Variants in XIRP2 observed in about 807,000 individuals in gnomAD.
XIRP2 encodes xin actin-binding repeat-containing protein 2.
A neutral mutation model predicts 277.0 loss-of-function variants in XIRP2; 236 were observed. That is an observed-to-expected ratio of 0.85 (90% CI 0.77 to 0.95). The LOEUF is 0.95. XIRP2 is among the 40% of genes least tolerant of loss of function. The probability of loss-of-function intolerance (pLI) is 0.00; values close to 1 mark genes in which losing one functional copy is unlikely to be tolerated. For missense variants in XIRP2, 4,640 were observed against 4,157.5 expected, an observed-to-expected ratio of 1.12 and a Z score of -3.19; for synonymous variants, 1,490 against 1,416.5, an observed-to-expected ratio of 1.05 and a Z score of -1.17.
intron 2 of XIRP2, among the ~76,000 whole-genome samples, chr2:167,095,901 T>C (rs557514627): frequency 8.3e-6 from 1 of 120,544 alleles, no homozygotes; most frequent in Non-Finnish European, 1.6e-5. Flanking sequence ...TGAGAAGGAG[T>C]CTCGCTCTGT....
chr2:167,037,518 GGTGTGTGTGTGTGTGTGT>G (rs59857626), intron 2 of XIRP2, among the ~76,000 whole-genome samples: 1 of 126,382 alleles, frequency 7.9e-6, no homozygotes, highest in African/African-American at 3.3e-5. Flanking sequence ...TCATGTGGGG[GGTGTGTGTGTGTGTGTGT>G]GTGTGTGTGT....
chr2:167,050,507 G>C (rs766575284), intron 2 of XIRP2, among the ~76,000 whole-genome samples: 17 of 151,958 alleles, frequency 1.1e-4, no homozygotes, highest in Non-Finnish European at 2.1e-4. Flanking sequence ...TGGGAAATCA[G>C]GGCTATTTTG....
chr2:167,082,710 T>C (rs1689775386), intron 2 of XIRP2, among the ~76,000 whole-genome samples: 1 of 152,240 alleles, frequency 6.6e-6, no homozygotes, highest in Non-Finnish European at 1.5e-5. Flanking sequence ...TGAGCATTTT[T>C]TCATGTGTTT....
intron 2 of XIRP2, among the ~76,000 whole-genome samples, chr2:166,904,843 G>C (rs572625333): frequency 6.6e-6 from 1 of 152,078 alleles, no homozygotes; most frequent in East Asian, 1.9e-4. Context: ...GTACACAGTC[G>C]TATTCTTGTT....
At chr2:167,012,527 G>C (rs1039424733) in intron 2 of XIRP2, among the ~76,000 whole-genome samples, 5 of 151,586 alleles carry the variant, frequency 3.3e-5, no homozygotes, top group African/African-American at 1.2e-4. Flanking sequence ...ATTACACTAT[G>C]TGGTACACAT....
intron 3 of XIRP2, among the ~76,000 whole-genome samples, chr2:167,174,676 T>C (rs959218032): frequency 6.6e-6 from 1 of 152,186 alleles, no homozygotes; most frequent in African/African-American, 2.4e-5. Flanking sequence ...TGTTTGCTCT[T>C]GCTTCTCTAG....
chr2:167,243,224 G>A lies in XIRP2; in HGVS notation c.1832G>A (p.Gly611Asp). ...ATTGCTGATCAAGAAATCATTGCTGGTGGTGATGTGAAATATACCACATGG... is the reference window on the plus strand; with the variant it reads ...ATTGCTGATCAAGAAATCATTGCTGATGGTGATGTGAAATATACCACATGG... ...RGIADQEIIA[G>D]GDVKYTTWMF... The change falls in exon 9 of 11, where the codon GGT becomes GAT. Residue 611 changes from glycine to aspartate, a missense_variant. Coordinates refer to ENST00000409195, the MANE Select transcript of XIRP2 (RefSeq NM_152381.6). The A allele has an allele frequency of 6.2e-7, 1 of 1,614,090 alleles. No homozygotes were observed. Among genetic ancestry groups the A allele is most frequent in the Non-Finnish European group, 8.5e-7 (1 of 1,180,000 alleles).
chr2:167,101,444 A>C (rs751290756), intron 2 of XIRP2, among the ~76,000 whole-genome samples: 2 of 152,138 alleles, frequency 1.3e-5, no homozygotes, highest in African/African-American at 2.4e-5. Context: ...ACTGTACCCA[A>C]TTTGTAGCCT....
At chr2:167,197,288 TACACTTCAA>T (rs1693547518) in intron 3 of XIRP2, among the ~76,000 whole-genome samples, 1 of 152,178 alleles carries the variant, frequency 6.6e-6, no homozygotes, top group Non-Finnish European at 1.5e-5. Flanking sequence ...ACTTGTTTTC[TACACTTCAA>T]AAAAAGTAGG....
At chr2:166,890,415 C>T (rs888631735) in intron 1 of XIRP2, among the ~76,000 whole-genome samples, 31 of 152,194 alleles carry the variant, frequency 2.0e-4, no homozygotes, top group African/African-American at 6.3e-4. Flanking sequence ...TGAAACTCCC[C>T]GAGTGGGCCC....
rs1559049663 is a variant in XIRP2, at chr2:167,258,693, C to G, written c.*876C>G. On this transcript the variant is annotated 3_prime_UTR_variant, in exon 11 of 11. Transcript: ENST00000409195. ...AATAATAACAATTATGTAGCAGTCTCATATCTGAATAATTGCAGGCAGAAG... is the reference window on the plus strand; with the variant it reads ...AATAATAACAATTATGTAGCAGTCTGATATCTGAATAATTGCAGGCAGAAG... 6.2e-7 allele frequency: 1 copy of G among 1,612,876 alleles called. No homozygotes were observed. Among genetic ancestry groups the G allele is most frequent in the Non-Finnish European group, 8.5e-7 (1 of 1,179,472 alleles).
At chr2:167,232,580 A>G (rs1694791368) in intron 5 of XIRP2, among the ~76,000 whole-genome samples, 1 of 151,970 alleles carries the variant, frequency 6.6e-6, no homozygotes, top group Non-Finnish European at 1.5e-5. Context: ...CTTGCTTACT[A>G]CCAAATCCTG....
chr2:166,939,014 C>A (rs925734079), intron 2 of XIRP2, among the ~76,000 whole-genome samples: 2 of 152,272 alleles, frequency 1.3e-5, no homozygotes, highest in East Asian at 3.9e-4. Flanking sequence ...CTCCTGAATA[C>A]AGCACACTGA....
At chr2:166,904,842 C>T (rs778744970) in intron 2 of XIRP2, among the ~76,000 whole-genome samples, 6 of 151,904 alleles carry the variant, frequency 3.9e-5, no homozygotes, top group African/African-American at 9.7e-5. Context: ...GGTACACAGT[C>T]GTATTCTTGT....
chr2:167,018,652 T>C (rs1365205884), intron 2 of XIRP2, among the ~76,000 whole-genome samples: 1 of 152,012 alleles, frequency 6.6e-6, no homozygotes, highest in Non-Finnish European at 1.5e-5. Flanking sequence ...ATTTTTGGCA[T>C]CAGGCTGTGG....
intron 2 of XIRP2, among the ~76,000 whole-genome samples, chr2:166,985,641 A>G (rs1455893255): frequency 2.0e-5 from 3 of 152,084 alleles, no homozygotes; most frequent in Non-Finnish European, 4.4e-5. Flanking sequence ...CGTATTAGCC[A>G]GGATGGTCTT....
intron 2 of XIRP2, among the ~76,000 whole-genome samples, chr2:167,007,065 G>GT (rs1312578130): frequency 1.1e-4 from 17 of 151,740 alleles, no homozygotes; most frequent in Admixed American, 9.2e-4. Context: ...ACTGCACAAA[G>GT]TACATCTTAT....
intron 2 of XIRP2, among the ~76,000 whole-genome samples, chr2:166,909,289 C>T (rs1328762019): frequency 2.0e-5 from 3 of 152,250 alleles, no homozygotes; most frequent in South Asian, 2.1e-4. Flanking sequence ...TCTTTTATTT[C>T]GTTGAACAGT....
At chr2:167,002,326 A>G (rs989603615) in intron 2 of XIRP2, among the ~76,000 whole-genome samples, 6 of 152,090 alleles carry the variant, frequency 3.9e-5, no homozygotes, top group African/African-American at 9.6e-5. Context: ...AGGCAAATCA[A>G]TCTGGCTGTG....
Sources: allele counts gnomAD v4.1 joint callset (sites outside exome capture counted in the v4.1 genomes callset), GRCh38; gene constraint gnomAD v4.1.1; transcripts MANE v1.5; gene names NCBI Gene and HGNC (gene_info 2026-07-23, HGNC 2026-07-21).